ERC2: variants seen among roughly 807,000 people sequenced by gnomAD.
ERC2 encodes ERC protein 2.
Under a neutral mutation model 114.8 loss-of-function variants are expected in ERC2, and 42 were observed. That is an observed-to-expected ratio of 0.37 (90% CI 0.29 to 0.47). The LOEUF (loss-of-function observed/expected upper bound fraction) is 0.47. Ranked by LOEUF, ERC2 falls within the 20% of genes least tolerant of loss-of-function variation. ERC2 has a pLI of 0.99. For missense variants in ERC2, 939 were observed against 1,150.7 expected (o/e 0.82, Z 2.66); for synonymous variants, 454 against 425.5 (o/e 1.07, Z -0.82).
At chr3:55,894,870 C>T (rs183967939) in intron 13 of ERC2, among the ~76,000 whole-genome samples, 14 of 152,296 alleles carry the variant, frequency 9.2e-5, no homozygotes, top group African/African-American at 3.4e-4. Flanking sequence ...CTCAGTAGTG[C>T]CACAGAAGTA....
intron 14 of ERC2, among the ~76,000 whole-genome samples, chr3:55,831,416 GGGGAA>G (rs577060138): frequency 0.01 from 701 of 68,956 alleles, 4 homozygotes; most frequent in African/African-American, 0.027. Context: ...GGGAAGGGGA[GGGGAA>G]GGGAAGGGAA....
intron 12 of ERC2, among the ~76,000 whole-genome samples, chr3:55,958,855 G>A (rs1434220951): frequency 4.6e-5 from 7 of 152,324 alleles, no homozygotes; most frequent in Middle Eastern, 3.4e-3. Context: ...GGGGCTTCCC[G>A]GCCCCTGAGA....
At chr3:55,653,564 AGTGTGTGTGTGTGTGTGTGTGTGTGTGT>A (rs36231107) in intron 17 of ERC2, among the ~76,000 whole-genome samples, 8 of 141,206 alleles carry the variant, frequency 5.7e-5, no homozygotes, top group African/African-American at 1.1e-4. Context: ...ACCTGGTAAA[AGTGTGTGTGTGTGTGTGTGTGTGTGTGT>A]GTGTGTGTGT....
intron 14 of ERC2, among the ~76,000 whole-genome samples, chr3:55,772,320 CT>C (rs536491164): frequency 1.3e-3 from 184 of 137,856 alleles, no homozygotes; most frequent in African/African-American, 1.5e-3. Flanking sequence ...TTTTTGTATT[CT>C]TTTTTTTTTT....
chr3:56,255,092 T>A (rs1449054388), intron 3 of ERC2, among the ~76,000 whole-genome samples: 1 of 152,250 alleles, frequency 6.6e-6, no homozygotes, highest in Non-Finnish European at 1.5e-5. Context: ...GGCCTTAATC[T>A]TGACTTAGAA....
intron 3 of ERC2, among the ~76,000 whole-genome samples, chr3:56,292,364 G>C (rs114051919): frequency 0.012 from 1,813 of 150,460 alleles, 32 homozygotes; most frequent in African/African-American, 0.04. Context: ...CAGGCAGATC[G>C]CTTGAGCTCA....
At chr3:55,636,263 G>A (rs1280171228) in intron 17 of ERC2, among the ~76,000 whole-genome samples, 1 of 151,072 alleles carries the variant, frequency 6.6e-6, no homozygotes, top group Non-Finnish European at 1.5e-5. Flanking sequence ...GCAGAATAAG[G>A]ACAAACATGG....
intron 12 of ERC2, 32 bp from the exon 13 acceptor site, chr3:55,950,592 C>T: frequency 6.2e-7 from 1 of 1,612,958 alleles, no homozygotes. Flanking sequence ...TGGTTAAATT[C>T]TACCACTGGA....
intron 14 of ERC2, among the ~76,000 whole-genome samples, chr3:55,784,599 C>A (rs2069332989): frequency 6.6e-6 from 1 of 152,154 alleles, no homozygotes; most frequent in Non-Finnish European, 1.5e-5. Flanking sequence ...TTAACGTGAA[C>A]AGTTTAGAGA....
intron 6 of ERC2, among the ~76,000 whole-genome samples, chr3:56,137,576 G>A (rs2080583582): frequency 6.6e-6 from 1 of 152,180 alleles, no homozygotes; most frequent in Non-Finnish European, 1.5e-5. Context: ...GCAACTGCTC[G>A]ACTCTGCTGT....
chr3:55,633,901 T>G (rs115677535), intron 17 of ERC2, among the ~76,000 whole-genome samples: 2,396 of 152,282 alleles, frequency 0.016, 44 homozygotes, highest in African/African-American at 0.053. Context: ...ACACCATGCC[T>G]GGGAGTCAAG....
chr3:56,171,857 T>C (rs1383769321), intron 4 of ERC2, among the ~76,000 whole-genome samples: 1 of 150,262 alleles, frequency 6.7e-6, no homozygotes, highest in African/African-American at 2.4e-5. Flanking sequence ...TTTTTTTTTT[T>C]CTTAAATGAT....
chr3:55,803,676 T>G (rs1324355201), intron 14 of ERC2, among the ~76,000 whole-genome samples: 3 of 152,122 alleles, frequency 2.0e-5, no homozygotes, highest in Non-Finnish European at 4.4e-5. Flanking sequence ...TTATAAATAT[T>G]TATGTATAAA....
chr3:55,814,864 T>C (rs562390057), intron 14 of ERC2, among the ~76,000 whole-genome samples: 4 of 152,332 alleles, frequency 2.6e-5, no homozygotes, highest in African/African-American at 9.6e-5. Context: ...AGGCATGGTG[T>C]TTGGCAAGAA....
chr3:55,714,593 T>A (rs558724008), intron 15 of ERC2, among the ~76,000 whole-genome samples: 1 of 149,842 alleles, frequency 6.7e-6, no homozygotes, highest in Admixed American at 6.7e-5. Context: ...TCATATAAAA[T>A]AGTATATAAA....
At chr3:56,029,264 C>T (rs191804093) in intron 7 of ERC2, among the ~76,000 whole-genome samples, 73 of 151,946 alleles carry the variant, frequency 4.8e-4, no homozygotes, top group African/African-American at 1.6e-3. Context: ...GGTTGTTCTG[C>T]GGGTTTTTGG....
chr3:55,926,751 G>C (rs1366306568), intron 13 of ERC2, among the ~76,000 whole-genome samples: 2 of 152,070 alleles, frequency 1.3e-5, no homozygotes, highest in Non-Finnish European at 2.9e-5. Context: ...AGCCCCTGGA[G>C]AGTCCTCCAC....
At chr3:55,655,399 C>G (rs561371890) in intron 17 of ERC2, among the ~76,000 whole-genome samples, 55 of 152,320 alleles carry the variant, frequency 3.6e-4, no homozygotes, top group African/African-American at 1.3e-3. Context: ...ATTAGAGGAG[C>G]CCCAAGATTG....
rs146718876 is a variant in ERC2 at position 55,786,700 on chromosome 3, G to A, written c.2565-51782C>T. Among the ~76,000 whole-genome samples the A allele has an allele frequency of 2.0e-3, 305 of 152,274 alleles. 2 individuals carry two copies. The highest frequency in any genetic ancestry group is 6.9e-3 in the African/African-American group (288 of 41,554). On this transcript the variant is annotated intron_variant, in intron 14 of 17. Coordinates refer to ENST00000288221, the MANE Select transcript of ERC2 (RefSeq NM_015576.3). ...TCAACTCCGTCAACTCCAAAGTTCA[G>A]GTTCTTGACTGCATTGCCATTCTAA... is the stretch of plus-strand genomic sequence containing the variant.
Sources: allele counts gnomAD v4.1 joint callset (sites outside exome capture counted in the v4.1 genomes callset), GRCh38; gene constraint gnomAD v4.1.1; transcripts MANE v1.5; gene names NCBI Gene and HGNC (gene_info 2026-07-23, HGNC 2026-07-21).